Variants in PTPN11 observed in about 807,000 individuals in gnomAD.
PTPN11 encodes the protein protein tyrosine phosphatase non-receptor type 11, also known as tyrosine-protein phosphatase non-receptor type 11.
PTPN11 carries 6 observed loss-of-function variants against 78.8 expected under a neutral mutation model. The ratio of observed to expected loss-of-function variants is 0.08; its 90% confidence interval spans 0.04 to 0.15. The LOEUF (loss-of-function observed/expected upper bound fraction) is 0.15, where lower values mean the gene tolerates loss of function less well. PTPN11 is among the 10% of genes least tolerant of loss of function. The pLI, the probability that PTPN11 is intolerant of heterozygous loss-of-function variation, is 1.00. For missense variants in PTPN11, 386 were observed against 744.8 expected, an observed-to-expected ratio of 0.52 and a Z score of 5.61; for synonymous variants, 221 against 263.5, an observed-to-expected ratio of 0.84 and a Z score of 1.56.
intron 13 of PTPN11, among the ~76,000 whole-genome samples, chr12:112,501,178 A>T (rs1267693907): frequency 6.6e-6 from 1 of 152,214 alleles, no homozygotes; most frequent in Non-Finnish European, 1.5e-5. Context: ...GGCTGTTTCC[A>T]GGTGCCTATA....
chr12:112,429,039 G>A (rs938025993), intron 1 of PTPN11, among the ~76,000 whole-genome samples: 35 of 152,284 alleles, frequency 2.3e-4, no homozygotes, highest in African/African-American at 6.5e-4. Flanking sequence ...GAGCCACCGC[G>A]TCCGGCCTCT....
Position 112,447,951 on chromosome 12 carries a change from A to G in PTPN11, c.137+1553A>G, listed in dbSNP as rs546123353. Among the ~76,000 whole-genome samples the G allele has an allele frequency of 8.6e-5, 13 of 151,612 alleles. 1 individual carries two copies. In the South Asian group the frequency reaches 2.5e-3, roughly 29 times the overall value. On this transcript the variant is annotated intron_variant, in intron 2 of 15. Transcript: ENST00000351677. ...TGAGTAGCTGGGATTACAGACATGT[A>G]CCACCATGCCAAGTTAATTTTTGTA...
At chr12:112,435,938 A>G (rs780785506) in intron 1 of PTPN11, among the ~76,000 whole-genome samples, 11 of 152,168 alleles carry the variant, frequency 7.2e-5, no homozygotes, top group Non-Finnish European at 1.6e-4. Flanking sequence ...TAATCCCAGC[A>G]CTTTGGGAGG....
At chr12:112,493,712 A>G (rs1259733402) in intron 13 of PTPN11, among the ~76,000 whole-genome samples, 5 of 152,102 alleles carry the variant, frequency 3.3e-5, no homozygotes, top group Non-Finnish European at 7.4e-5. Context: ...ATTAACTATA[A>G]TCACCATGCT....
intron 13 of PTPN11, among the ~76,000 whole-genome samples, chr12:112,495,679 G>A (rs912825487): frequency 2.6e-5 from 4 of 152,168 alleles, no homozygotes; most frequent in African/African-American, 9.7e-5. Flanking sequence ...AGTCAAAAAT[G>A]CATTTAATGC....
chr12:112,450,081 C>T (rs564616965), intron 2 of PTPN11, among the ~76,000 whole-genome samples: 1 of 144,934 alleles, frequency 6.9e-6, no homozygotes, highest in East Asian at 2.0e-4. Context: ...AGCGAAACTC[C>T]ATCTCAAAAA....
chr12:112,461,673 G>T (rs1415247239), intron 6 of PTPN11, among the ~76,000 whole-genome samples: 1 of 151,910 alleles, frequency 6.6e-6, no homozygotes, highest in Non-Finnish European at 1.5e-5. Context: ...GTATTATGTT[G>T]CTCAGGATGG....
chr12:112,419,169 C>T (rs2037475856), intron 1 of PTPN11, 44 bp downstream of exon 1: 1 of 1,480,918 alleles, frequency 6.8e-7, no homozygotes, highest in South Asian at 1.3e-5. Context: ...GGCCCGGCCA[C>T]CGCCGCGTTC....
At chr12:112,460,639 C>G (rs1005955054) in intron 6 of PTPN11, among the ~76,000 whole-genome samples, 2 of 151,858 alleles carry the variant, frequency 1.3e-5, no homozygotes, top group African/African-American at 4.8e-5. Context: ...GTCAAGAGAT[C>G]GAGACCATCC....
At chr12:112,472,862 A>G in intron 6 of PTPN11, 82 bp from the exon 7 acceptor site, 2 of 1,089,456 alleles carry the variant, frequency 1.8e-6, no homozygotes, top group Admixed American at 1.7e-5. Context: ...TGAATTCCTT[A>G]AAGAAGTAAT....
intron 14 of PTPN11, among the ~76,000 whole-genome samples, chr12:112,502,925 C>G (rs2038893317): frequency 1.3e-5 from 2 of 152,120 alleles, no homozygotes; most frequent in South Asian, 4.1e-4. Flanking sequence ...TGTTAAGGCT[C>G]TTTGCAAAAT....
chr12:112,444,239 G>A (rs1033612450), intron 1 of PTPN11, among the ~76,000 whole-genome samples: 1 of 152,072 alleles, frequency 6.6e-6, no homozygotes, highest in African/African-American at 2.4e-5. Context: ...TAATGCTGCT[G>A]TGAATATGAG....
chr12:112,492,648 G>T lies in PTPN11; in HGVS notation c.1599+3473G>T, dbSNP rs370922394. 5.9e-5 allele frequency among the ~76,000 whole-genome samples: 9 copies of T among 151,918 alleles called. No individual in the cohort carries two copies. The East Asian group carries it at 1.7e-3, about 30-fold the overall frequency. ...TTCTCCTGCCTCAGCCTCCCAAGTA[G>T]TTGGGACTACAGGCGCCCGCCATCA... On this transcript the variant is annotated intron_variant, in intron 13 of 15. Coordinates refer to ENST00000351677, the MANE Select transcript of PTPN11 (RefSeq NM_002834.5).
At chr12:112,502,023 C>T (rs2038879688) in intron 13 of PTPN11, 121 bp from the exon 14 acceptor site, 8 of 743,964 alleles carry the variant, frequency 1.1e-5, no homozygotes, top group South Asian at 3.1e-5. Context: ...ATTCTCAACC[C>T]GTCTATCAAT....
At position 112,482,583 on chromosome 12, in the gene PTPN11, A is replaced by G. The variant is rs1384460150; in HGVS notation, c.1224+378A>G. ...GGATAGGGTGACCTGAGTGGCTACA[A>G]GGTCTGTTAGGAGGCCTCCGCAGGG... is the stretch of plus-strand genomic sequence containing the variant. On this transcript the variant is annotated intron_variant, in intron 10 of 15. Transcript: ENST00000351677. The surrounding 1 kb of genome is among the most constrained non-coding windows in gnomAD (Gnocchi z 4.4). Among the ~76,000 whole-genome samples the G allele has an allele frequency of 6.6e-6, 1 of 152,128 alleles. No homozygotes were observed. The highest frequency in any genetic ancestry group is 1.5e-5 in the Non-Finnish European group (1 of 68,018).
intron 3 of PTPN11, among the ~76,000 whole-genome samples, chr12:112,450,750 C>G (rs2038068519): frequency 6.6e-6 from 1 of 152,170 alleles, no homozygotes; most frequent in South Asian, 2.1e-4. Flanking sequence ...GGTTGCATAC[C>G]ATTCCTGCAT....
At chr12:112,436,477 A>G (rs555421838) in intron 1 of PTPN11, among the ~76,000 whole-genome samples, 1 of 152,314 alleles carries the variant, frequency 6.6e-6, no homozygotes, top group South Asian at 2.1e-4. Context: ...GATTTGAGAC[A>G]GTGGTTTGGC....
At chr12:112,446,866 G>A (rs542016851) in intron 2 of PTPN11, among the ~76,000 whole-genome samples, 2 of 149,502 alleles carry the variant, frequency 1.3e-5, no homozygotes, top group Admixed American at 6.7e-5. Flanking sequence ...GAGCCACTAT[G>A]CCTGGCCTTC....
Position 112,444,490 on chromosome 12 carries a change from C to T in PTPN11, c.15-1786C>T, listed in dbSNP as rs139405273. Among the ~76,000 whole-genome samples, 1,208 of 152,040 alleles carry T rather than the reference C, an allele frequency of 7.9e-3. 15 individuals are homozygous for T. Among genetic ancestry groups the T allele is most frequent in the African/African-American group, 0.026 (1,093 of 41,478 alleles). On this transcript the variant is annotated intron_variant, in intron 1 of 15. Transcript: ENST00000351677. The stretch of plus-strand genomic sequence containing the variant: ...TCAAGTAGCTGGGATTACAGGCACG[C>T]GCCACCACGCCCAACTAATTTTGTA...
Sources: allele counts gnomAD v4.1 joint callset (sites outside exome capture counted in the v4.1 genomes callset), GRCh38; gene constraint gnomAD v4.1.1; non-coding constraint Gnocchi (gnomAD v3.1); transcripts MANE v1.5; gene names NCBI Gene and HGNC (gene_info 2026-07-23, HGNC 2026-07-21).